PHEX: variants seen among roughly 807,000 people sequenced by gnomAD.
PHEX encodes phosphate regulating endopeptidase X-linked.
PHEX carries 16 observed loss-of-function variants against 68.0 expected under a neutral mutation model. That is an observed-to-expected ratio of 0.24 (90% CI 0.16 to 0.36). PHEX has a LOEUF of 0.36. Ranked by LOEUF, PHEX falls within the 10% of genes least tolerant of loss-of-function variation. PHEX has a pLI of 1.00. For synonymous variants in PHEX, 208 were observed against 205.1 expected (o/e 1.01, Z -0.12); for missense variants, 480 against 575.5 (o/e 0.83, Z 1.70).
At chrX:22,199,948 C>G (rs959827596) in intron 15 of PHEX, among the ~76,000 whole-genome samples, 1 of 111,600 alleles carries the variant, frequency 9.0e-6, no homozygotes, top group Non-Finnish European at 1.9e-5. Context: ...ACATATCTCC[C>G]AAGGACAAGA....
At chrX:22,090,862 T>G (rs777632678) in intron 6 of PHEX, among the ~76,000 whole-genome samples, 2 of 111,938 alleles carry the variant, frequency 1.8e-5, no homozygotes, top group African/African-American at 3.2e-5. Flanking sequence ...GTTCCCAAAT[T>G]GTACTGCTTT....
chrX:22,192,126 T>C (rs1314916409), intron 15 of PHEX, among the ~76,000 whole-genome samples: 1 of 109,359 alleles, frequency 9.1e-6, no homozygotes, highest in Non-Finnish European at 1.9e-5. Flanking sequence ...TGGTTTCTCC[T>C]CATCTCCCAT....
intron 1 of PHEX, among the ~76,000 whole-genome samples, chrX:22,035,997 T>TACACACACACACACAC (rs1401114669): frequency 2.8e-5 from 2 of 71,501 alleles, no homozygotes; most frequent in Non-Finnish European, 5.2e-5. Flanking sequence ...ATTAATTAAT[T>TACACACACACACACAC]ATACACACAC....
chrX:22,086,523 G>A (rs1048880265), intron 5 of PHEX, among the ~76,000 whole-genome samples: 2 of 111,401 alleles, frequency 1.8e-5, no homozygotes, highest in African/African-American at 6.5e-5. Context: ...GGTTGGAAGG[G>A]CATCATAGAG....
rs373526963 is a variant in PHEX at position 22,248,235 on chromosome X, G to T, written c.*282G>T. The T allele has an allele frequency of 1.2e-5, 4 of 343,328 alleles. No individual in the cohort carries two copies. The highest frequency in any genetic ancestry group is 9.2e-5 in the Admixed American group (2 of 21,632). 28.3% of individuals were successfully genotyped at this position (343,328 alleles called of 1,213,427 possible). On this transcript the variant is annotated 3_prime_UTR_variant, in exon 22 of 22. Transcript: ENST00000379374. ...TTAAAATGCTATCTGCTAAATTGTT[G>T]CTATTGTCCATTTTAGGGTGTTGGC...
At chrX:22,242,067 A>G (rs2147209081) in intron 20 of PHEX, among the ~76,000 whole-genome samples, 1 of 112,128 alleles carries the variant, frequency 8.9e-6, no homozygotes, top group South Asian at 3.8e-4. Context: ...CACATCAAAA[A>G]GCTTATCCAC....
intron 5 of PHEX, among the ~76,000 whole-genome samples, chrX:22,087,642 G>A (rs1407828500): frequency 9.0e-6 from 1 of 111,730 alleles, no homozygotes; most frequent in African/African-American, 3.2e-5. Flanking sequence ...AGAAGCTGGA[G>A]GAGATGGGTC....
chrX:22,181,450 T>C (rs1933879961), intron 14 of PHEX, among the ~76,000 whole-genome samples: 1 of 112,174 alleles, frequency 8.9e-6, no homozygotes, highest in Non-Finnish European at 1.9e-5. Flanking sequence ...TGTCTGTTTT[T>C]ATGCCAATAT....
chrX:22,144,214 A>AT (rs981705526), intron 12 of PHEX, among the ~76,000 whole-genome samples: 25 of 109,740 alleles, frequency 2.3e-4, no homozygotes, highest in South Asian at 3.9e-4. Context: ...TGACATGTTC[A>AT]TTTTTTTTTC....
At chrX:22,154,766 C>T (rs1041136921) in intron 12 of PHEX, among the ~76,000 whole-genome samples, 20 of 112,102 alleles carry the variant, frequency 1.8e-4, no homozygotes, top group Non-Finnish European at 3.4e-4. Context: ...CAAGCTCCCA[C>T]GTGACACAGA....
chrX:22,242,835 G>T (rs889674295), intron 20 of PHEX, among the ~76,000 whole-genome samples: 1 of 111,940 alleles, frequency 8.9e-6, no homozygotes, highest in African/African-American at 3.3e-5. Context: ...AATCAATATC[G>T]TGAAAATGGC....
chrX:22,088,614 T>A (rs1929722413), intron 5 of PHEX, among the ~76,000 whole-genome samples: 1 of 111,926 alleles, frequency 8.9e-6, no homozygotes, highest in Non-Finnish European at 1.9e-5. Flanking sequence ...TGATGAAGTG[T>A]CTGTTAGAAT....
chrX:22,230,973 A>T (rs998184553), intron 20 of PHEX, among the ~76,000 whole-genome samples: 2 of 111,806 alleles, frequency 1.8e-5, no homozygotes, highest in Middle Eastern at 4.2e-3. Context: ...GTTTACTGAG[A>T]GTTTTTAGCA....
At chrX:22,154,063 T>C (rs749110336) in intron 12 of PHEX, among the ~76,000 whole-genome samples, 1 of 111,304 alleles carries the variant, frequency 9.0e-6, no homozygotes, top group South Asian at 3.8e-4. Flanking sequence ...GGCCAGAAAT[T>C]GGGTTGAATT....
At chrX:22,182,592 T>G (rs1933913086) in intron 14 of PHEX, among the ~76,000 whole-genome samples, 1 of 102,982 alleles carries the variant, frequency 9.7e-6, no homozygotes, top group Admixed American at 1.0e-4. Flanking sequence ...TGAAGATGCT[T>G]TGTGTGTGTG....
At chrX:22,215,136 G>C (rs1471515968) in intron 16 of PHEX, among the ~76,000 whole-genome samples, 2 of 111,689 alleles carry the variant, frequency 1.8e-5, no homozygotes, top group Non-Finnish European at 3.8e-5. Flanking sequence ...TATTGATGAA[G>C]TAATTTGTTT....
intron 9 of PHEX, among the ~76,000 whole-genome samples, chrX:22,103,571 TGA>T (rs769749481): frequency 1.8e-5 from 2 of 112,096 alleles, no homozygotes; most frequent in South Asian, 7.4e-4. Context: ...TTTCCATTCC[TGA>T]GTTACTTCAC....
intron 2 of PHEX, among the ~76,000 whole-genome samples, chrX:22,042,513 G>A (rs772016376): frequency 3.6e-4 from 40 of 112,480 alleles, no homozygotes; most frequent in Non-Finnish European, 7.1e-4. Context: ...GACTGGGCAC[G>A]GTGGCTCTCG....
rs1473905666 is a variant in PHEX at position 22,251,119 on chromosome X, G to T, written c.*3166G>T. ...CTCAGTTGCATATTACATTATGGAA[G>T]AATATACGATTGCTTCATATAACAA... is the stretch of plus-strand genomic sequence containing the variant. On this transcript the variant is annotated 3_prime_UTR_variant, in exon 22 of 22. Coordinates refer to ENST00000379374, the MANE Select transcript of PHEX (RefSeq NM_000444.6). 3.6e-5 allele frequency: 4 copies of T among 112,408 alleles called. No individual in the cohort carries two copies. Among genetic ancestry groups the T allele is most frequent in the South Asian group, 3.7e-4 (1 of 2,723 alleles). 9.3% of individuals were successfully genotyped at this position (112,408 alleles called of 1,213,427 possible).
Sources: gnomAD v4.1 joint callset for allele counts (sites outside exome capture counted in the v4.1 genomes callset) on GRCh38, gnomAD v4.1.1 for gene constraint, MANE v1.5 for transcripts, NCBI Gene and HGNC (gene_info 2026-07-23, HGNC 2026-07-21) for gene names.